Variants in HERC5 observed in about 807,000 individuals in gnomAD.
HERC5 encodes HECT and RLD domain containing E3 ubiquitin protein ligase 5.
Under a neutral mutation model 119.6 loss-of-function variants are expected in HERC5, and 99 were observed. The ratio of observed to expected loss-of-function variants is 0.83; its 90% confidence interval spans 0.70 to 0.98. The LOEUF (loss-of-function observed/expected upper bound fraction) is 0.98, where lower values mean the gene tolerates loss of function less well. Ranked by LOEUF, HERC5 falls within the 50% of genes least tolerant of loss-of-function variation. The pLI, the probability that HERC5 is intolerant of heterozygous loss-of-function variation, is 0.00. For missense variants in HERC5, 1,267 were observed against 1,241.3 expected (o/e 1.02, Z -0.31); for synonymous variants, 478 against 445.9 (o/e 1.07, Z -0.91).
chr4:88,487,922 T>G (rs1427062830), intron 15 of HERC5, among the ~76,000 whole-genome samples: 2 of 152,220 alleles, frequency 1.3e-5, no homozygotes, highest in Non-Finnish European at 2.9e-5. Flanking sequence ...GGGTTGGGTA[T>G]TATTATCACT....
chr4:88,485,835 T>G (rs1017630354), intron 13 of HERC5, among the ~76,000 whole-genome samples: 5 of 143,824 alleles, frequency 3.5e-5, no homozygotes, highest in African/African-American at 8.1e-5. Flanking sequence ...TATTGCATTG[T>G]TTTTTTTTTT....
chr4:88,494,324 T>G lies in HERC5; in HGVS notation c.2437T>G (p.Leu813Val). Reference sequence around the variant, plus strand: ...AGACTTGAAAGAACTCAGTCCTGATTTGGGAAAGTAAGTAAACAGAGTTCC... The same window carrying G: ...AGACTTGAAAGAACTCAGTCCTGATGTGGGAAAGTAAGTAAACAGAGTTCC... ...LEDLKELSPD[L>V]GKNLQTLLDD... Residue 813 changes from leucine to valine, a missense_variant, in exon 18 of 23, where the codon TTG (leucine) becomes GTG (valine). By Grantham distance (32) the Leu-to-Val change is conservative. Coordinates refer to ENST00000264350, the MANE Select transcript of HERC5 (RefSeq NM_016323.4). The G allele has an allele frequency of 1.9e-6, 3 of 1,612,212 alleles. No individual in the cohort carries two copies. Among genetic ancestry groups the G allele is most frequent in the Non-Finnish European group, 2.5e-6 (3 of 1,179,422 alleles).
intron 16 of HERC5, among the ~76,000 whole-genome samples, chr4:88,491,957 A>G (rs1397009281): frequency 6.6e-6 from 1 of 152,102 alleles, no homozygotes; most frequent in Non-Finnish European, 1.5e-5. Context: ...CCACTTCAGC[A>G]AACACCTTAT....
chr4:88,492,300 G>A (rs1175824457), intron 16 of HERC5, among the ~76,000 whole-genome samples: 1 of 151,608 alleles, frequency 6.6e-6, no homozygotes, highest in African/African-American at 2.4e-5. Context: ...CACCACGCCC[G>A]GCCAATTTTT....
At chr4:88,484,749 G>A (rs548500666) in intron 13 of HERC5, among the ~76,000 whole-genome samples, 1 of 152,310 alleles carries the variant, frequency 6.6e-6, no homozygotes, top group African/African-American at 2.4e-5. Context: ...AATTTGAACA[G>A]TCTAGGCTTT....
At chr4:88,483,268 G>A (rs772807134) in intron 13 of HERC5, among the ~76,000 whole-genome samples, 10 of 151,812 alleles carry the variant, frequency 6.6e-5, no homozygotes, top group Non-Finnish European at 1.5e-4. Flanking sequence ...GAGTGCAGTG[G>A]TGCAGTCATG....
chr4:88,500,520 G>A (rs1179730727), intron 19 of HERC5, among the ~76,000 whole-genome samples: 1 of 152,264 alleles, frequency 6.6e-6, no homozygotes, highest in African/African-American at 2.4e-5. Flanking sequence ...AGATTCAGTG[G>A]CTGAAGAGAT....
At position 88,492,999 on chromosome 4, in the gene HERC5, T is replaced by C; in HGVS notation, c.2134-13T>C. 1.9e-6 allele frequency: 3 copies of C among 1,613,302 alleles called. No homozygotes were observed. Among genetic ancestry groups the C allele is most frequent in the South Asian group, 1.1e-5 (1 of 90,972 alleles). The stretch of plus-strand genomic sequence containing the variant: ...GCCCTGGAAGTGATGTATTATTTGC[T>C]CTGTTTCCTCAGGTTTCATTTAGTG... On this transcript the variant is annotated splice_polypyrimidine_tract_variant and intron_variant, in intron 16 of 22. Coordinates refer to ENST00000264350, the MANE Select transcript of HERC5 (RefSeq NM_016323.4).
At chr4:88,501,203 T>C (rs1044141379) in intron 20 of HERC5, among the ~76,000 whole-genome samples, 7 of 152,320 alleles carry the variant, frequency 4.6e-5, no homozygotes, top group Admixed American at 1.3e-4. Context: ...ACCTTTCTAT[T>C]TCCTCCTGTC....
intron 3 of HERC5, among the ~76,000 whole-genome samples, chr4:88,461,548 T>C (rs1740444315): frequency 6.6e-6 from 1 of 152,228 alleles, no homozygotes. Flanking sequence ...CTTAATTCTC[T>C]GGTGTATTTT....
chr4:88,460,345 TA>T (rs1415785121), intron 3 of HERC5, among the ~76,000 whole-genome samples, 174 bp downstream of exon 3: 1 of 152,240 alleles, frequency 6.6e-6, no homozygotes, highest in Non-Finnish European at 1.5e-5. Context: ...CTTGGATCTG[TA>T]AAATGTTCAG....
intron 6 of HERC5, among the ~76,000 whole-genome samples, chr4:88,466,785 G>A (rs115292865): frequency 0.011 from 1,647 of 152,322 alleles, 12 homozygotes; most frequent in Non-Finnish European, 0.018. Flanking sequence ...TCAAACTGAT[G>A]TTGAAAAATG....
chr4:88,486,125 T>A lies in HERC5; in HGVS notation c.1748T>A (p.Val583Glu). The change falls in exon 14 of 23, where the codon GTG becomes GAG. Residue 583 changes from valine (V) to glutamate (E), a missense_variant. This residue lies in a region of HERC5 where 777 missense variants were observed against 758.0 expected (regional missense o/e 1.03). Coordinates refer to ENST00000264350, the MANE Select transcript of HERC5 (RefSeq NM_016323.4). ...MLKKLHRVNQ[V>E]KCQLPESIFQ... ...CATATTTTATTTAAGGTAAACCAGG[T>A]GAAATGTCAACTACCTGAAAGTATT... The A allele has an allele frequency of 1.2e-6, 2 of 1,604,836 alleles. No individual in the cohort carries two copies. The highest frequency in any genetic ancestry group is 1.7e-4 in the Middle Eastern group (1 of 6,028).
chr4:88,504,085 C>T, intron 20 of HERC5, 147 bp from the exon 21 acceptor site: 1 of 432,810 alleles, frequency 2.3e-6, no homozygotes, highest in African/African-American at 2.1e-5. Flanking sequence ...AAAAAAATTA[C>T]ATTAGATAAT....
chr4:88,460,877 C>T (rs928743088), intron 3 of HERC5, among the ~76,000 whole-genome samples: 2 of 152,072 alleles, frequency 1.3e-5, no homozygotes, highest in African/African-American at 4.8e-5. Flanking sequence ...GTAGTCCCAG[C>T]TACTTGGGAG....
rs531228480 is a variant in HERC5 at position 88,505,989 on chromosome 4, A to G, written c.*111A>G. ...TTTAGGCTTTTAGCAGCCTGAAGCC[A>G]TGGTTTTTCATTTCTGTCTCTAGTG... On this transcript the variant is annotated 3_prime_UTR_variant, in exon 23 of 23. Transcript: ENST00000264350. The G allele has an allele frequency of 3.7e-6, 3 of 800,780 alleles. No homozygotes were observed. Among genetic ancestry groups the G allele is most frequent in the South Asian group, 1.9e-5 (1 of 53,920 alleles). 49.6% of individuals were successfully genotyped at this position (800,780 alleles called of 1,614,324 possible).
At position 88,476,031 on chromosome 4, in the gene HERC5, G is replaced by T; in HGVS notation, c.1582+1G>T. On this transcript the variant is annotated splice_donor_variant, in intron 12 of 22. Transcript: ENST00000264350. LOFTEE classifies it high-confidence loss of function. ...AGTGACCAGTCTTCACTGGTTCTGG[G>T]TAAGTTTGATCATTTGAAGATACTT... 2.5e-6 allele frequency: 4 copies of T among 1,609,430 alleles called. No homozygotes were observed. Among genetic ancestry groups the T allele is most frequent in the Non-Finnish European group, 3.4e-6 (4 of 1,178,190 alleles).
chr4:88,457,363 C>T lies in HERC5; in HGVS notation c.94C>T (p.Gln32Ter). The stretch of plus-strand genomic sequence containing the variant: ...CCAGCCCGCGAAGTCTCCGGGCGCA[C>T]AGCTCTGGCTCTTTCCCAGCGCCGC... Reference protein sequence around the residue: ...ATQPAKSPGAQLWLFPSAAGL... With the variant: ...ATQPAKSPGA The change falls in exon 1 of 23, where the codon CAG (glutamine) becomes TAG (stop). Residue 32 changes from glutamine (Q) to a stop codon, truncating the protein, a stop_gained. Transcript: ENST00000264350. LOFTEE classifies it high-confidence loss of function. 1 of 1,432,492 alleles carries T rather than the reference C, an allele frequency of 7.0e-7. No homozygotes were observed. The highest frequency in any genetic ancestry group is 9.1e-7 in the Non-Finnish European group (1 of 1,095,004). The allele number at this position is 1,432,492 out of a possible 1,614,324, so 88.7% of individuals were successfully genotyped here. A position where few individuals can be genotyped will look rare whatever the true frequency, so the allele number is the denominator to read the frequency against.
intron 9 of HERC5, 25 bp downstream of exon 9, chr4:88,469,285 GCT>G: frequency 7.0e-7 from 1 of 1,434,018 alleles, no homozygotes; most frequent in Non-Finnish European, 9.8e-7. Context: ...CTGACTCTCT[GCT>G]TATATATCAC....
Sources: gnomAD v4.1 joint callset for allele counts (sites outside exome capture counted in the v4.1 genomes callset) on GRCh38, gnomAD v4.1.1 for gene constraint, gnomAD v4.1.1 regional missense constraint, MANE v1.5 for transcripts, NCBI Gene and HGNC (gene_info 2026-07-23, HGNC 2026-07-21) for gene names.